Variants in AGT observed in about 807,000 individuals in gnomAD.
AGT encodes the protein angiotensinogen, also known as alpha-1 antiproteinase, antitrypsin.
In AGT, 26 loss-of-function variants were observed where a neutral mutation model predicts 28.1. The observed-to-expected ratio is 0.92, with a 90% CI of 0.68 to 1.28. The LOEUF is 1.28. Ranked by LOEUF, AGT falls within the 50% of genes most tolerant of loss-of-function variation. AGT has a pLI of 0.00. For missense variants in AGT, 596 were observed against 592.3 expected (o/e 1.01, Z -0.06); for synonymous variants, 259 against 259.6 (o/e 1.00, Z 0.02).
intron 1 of AGT, among the ~76,000 whole-genome samples, chr1:230,728,230 A>G (rs976018993): frequency 1.3e-5 from 2 of 152,286 alleles, no homozygotes; most frequent in South Asian, 2.1e-4. Context: ...AGTGATGTTA[A>G]TTATAGGAGT....
chr1:230,724,275 G>A (rs1028970014), intron 1 of AGT, among the ~76,000 whole-genome samples: 7 of 152,200 alleles, frequency 4.6e-5, no homozygotes, highest in Non-Finnish European at 8.8e-5. Context: ...AACTCAGATT[G>A]TGCATGACAG....
At chr1:230,711,418 T>C (rs1322256039) in intron 1 of AGT, among the ~76,000 whole-genome samples, 4 of 152,134 alleles carry the variant, frequency 2.6e-5, no homozygotes, top group Non-Finnish European at 4.4e-5. Flanking sequence ...AACACATTTC[T>C]GTTGTTAAAC....
At chr1:230,743,362 A>G (rs1664282812) in intron 1 of AGT, among the ~76,000 whole-genome samples, 1 of 152,104 alleles carries the variant, frequency 6.6e-6, no homozygotes. Flanking sequence ...TGTCACCACC[A>G]TCACCCATTT....
upstream of AGT, among the ~76,000 whole-genome samples, chr1:230,714,881 T>G (rs1295940251): frequency 6.6e-6 from 1 of 152,194 alleles, no homozygotes; most frequent in Non-Finnish European, 1.5e-5. Context: ...TAGGTAAGAC[T>G]TGCTTTTGTA....
chr1:230,728,056 G>C (rs141715841), intron 1 of AGT, among the ~76,000 whole-genome samples: 70 of 152,300 alleles, frequency 4.6e-4, no homozygotes, highest in Middle Eastern at 6.8e-3. Flanking sequence ...TGATTGGTTG[G>C]AGATGCAATC....
chr1:230,713,484 T>A (rs1663652334), intron 1 of AGT, among the ~76,000 whole-genome samples: 1 of 152,216 alleles, frequency 6.6e-6, no homozygotes, highest in Non-Finnish European at 1.5e-5. Flanking sequence ...TTTTAGCTTA[T>A]CCCAAAGCTT....
chr1:230,710,694 G>T lies in AGT; in HGVS notation c.130C>A (p.Gln44Lys). The T allele has an allele frequency of 6.2e-7, 1 of 1,614,182 alleles. No individual in the cohort carries two copies. The highest frequency in any genetic ancestry group is 1.3e-5 in the African/African-American group (1 of 75,048). Residue 44 changes from glutamine to lysine, a missense_variant, in exon 2 of 5, where the codon CAG (glutamine) becomes AAG (lysine). Coordinates refer to ENST00000366667, the MANE Select transcript of AGT (RefSeq NM_001384479.1). ...TTCCCGGCATTGGCCTTTGCCAGCT[G>T]CTCACAGGTACTCTCATTGTGGATG... ...LVIHNESTCEQLAKANAGKPK... is the reference protein window; with the variant it reads ...LVIHNESTCEKLAKANAGKPK...
intron 1 of AGT, among the ~76,000 whole-genome samples, chr1:230,741,985 G>T (rs765696292): frequency 3.3e-5 from 5 of 152,140 alleles, no homozygotes; most frequent in African/African-American, 4.8e-5. Context: ...GAGCCCAGGA[G>T]TTCAAGCCTT....
At chr1:230,728,055 G>A (rs1169977017) in intron 1 of AGT, among the ~76,000 whole-genome samples, 1 of 152,164 alleles carries the variant, frequency 6.6e-6, no homozygotes, top group Non-Finnish European at 1.5e-5. Flanking sequence ...CTGATTGGTT[G>A]GAGATGCAAT....
intron 1 of AGT, among the ~76,000 whole-genome samples, chr1:230,712,225 G>T (rs780375152): frequency 6.6e-6 from 1 of 152,154 alleles, no homozygotes; most frequent in Admixed American, 6.6e-5. Flanking sequence ...TTGATGCCTA[G>T]ATTTTTCTGC....
intron 1 of AGT, among the ~76,000 whole-genome samples, chr1:230,725,502 T>C (rs1250478210): frequency 6.6e-6 from 1 of 152,180 alleles, no homozygotes; most frequent in Non-Finnish European, 1.5e-5. Context: ...TTGGGAAAAG[T>C]CTACAATGAA....
At chr1:230,721,468 G>T (rs1230942770) in intron 1 of AGT, among the ~76,000 whole-genome samples, 1 of 152,222 alleles carries the variant, frequency 6.6e-6, no homozygotes, top group Non-Finnish European at 1.5e-5. Flanking sequence ...AATTAGTACT[G>T]CAGAGAGTGG....
rs74144818 is a variant in AGT at position 230,743,284 on chromosome 1, C to T, written c.-31+2231G>A. Among the ~76,000 whole-genome samples, 515 of 152,332 alleles carry T rather than the reference C, an allele frequency of 3.4e-3. 4 individuals are homozygous for T. The highest frequency in any genetic ancestry group is 0.012 in the African/African-American group (485 of 41,574). ...GGGATTACAGGTGTGAGCCATTGCA[C>T]GCAGTCGTCTTACTCTTAACATACC... On this transcript the variant is annotated intron_variant, in intron 1 of 4. Transcript: ENST00000681269.
chr1:230,714,553 C>T (rs1299257888), upstream of AGT, among the ~76,000 whole-genome samples: 5 of 152,086 alleles, frequency 3.3e-5, no homozygotes, highest in Admixed American at 6.5e-5. Flanking sequence ...TTAGGCAACA[C>T]GGGGGCCACT....
Position 230,706,196 on chromosome 1 carries a change from C to T in AGT, c.834G>A (p.Lys278=). 6.2e-7 allele frequency: 1 copy of T among 1,613,396 alleles called. No homozygotes were observed. Among genetic ancestry groups the T allele is most frequent in the East Asian group, 2.2e-5 (1 of 44,872 alleles). Residue 278 remains lysine (K), a synonymous_variant, in exon 3 of 5, where the codon AAG becomes AAA. Transcript: ENST00000366667. The part of the protein sequence containing the change: ...AFNTYVHFQG[K]MKGFSLLAEP... ...CGGCCAGCAGGGAGAAGCCCTTCAT[C>T]TTCCCTGAAATCCAGACAGGAGACA...
In AGT at chr1:230,705,015, CA is replaced by C. The variant is rs1663339290; in HGVS notation, c.1098-679del. Among the ~76,000 whole-genome samples the C allele has an allele frequency of 2.0e-5, 3 of 152,310 alleles. No homozygotes were observed. The South Asian group carries it at 6.2e-4, about 32-fold the overall frequency. ...ATGCAATGGAATATTATTCAGCCTT[CA>C]AAAGGAAGGACATTCTGACATGTGC... is the stretch of plus-strand genomic sequence containing the variant. On this transcript the variant is annotated intron_variant, in intron 3 of 4. Transcript: ENST00000366667.
rs555751882 is a variant in AGT, at chr1:230,703,431, C to T, written c.1243-102G>A. 1.4e-4 allele frequency: 169 copies of T among 1,248,876 alleles called. 2 individuals are homozygous for T. In the South Asian group the frequency reaches 2.1e-3, roughly 15 times the overall value. The allele number at this position is 1,248,876 out of a possible 1,614,324, so 77.4% of individuals were successfully genotyped here. On this transcript the variant is annotated intron_variant, in intron 4 of 4. Transcript: ENST00000366667. Reference sequence around the variant, plus strand: ...GTGGGCTCAGGACCTCTGTGCTGTGCACTGTCCTGGAGGGGGACATTTTCC... The same window carrying T: ...GTGGGCTCAGGACCTCTGTGCTGTGTACTGTCCTGGAGGGGGACATTTTCC...
chr1:230,736,377 G>T (rs1664156438), intron 1 of AGT, among the ~76,000 whole-genome samples: 1 of 152,104 alleles, frequency 6.6e-6, no homozygotes, highest in African/African-American at 2.4e-5. Flanking sequence ...CAAAAAGCCG[G>T]GCATGGTGGC....
At chr1:230,735,060 C>T (rs1172504912) in intron 1 of AGT, among the ~76,000 whole-genome samples, 1 of 152,158 alleles carries the variant, frequency 6.6e-6, no homozygotes, top group Non-Finnish European at 1.5e-5. Context: ...GTGTCTATCC[C>T]TGGAGGAGAG....
Sources: gnomAD v4.1 joint callset for allele counts (sites outside exome capture counted in the v4.1 genomes callset) on GRCh38, gnomAD v4.1.1 for gene constraint, MANE v1.5 for transcripts, NCBI Gene and HGNC (gene_info 2026-07-23, HGNC 2026-07-21) for gene names.